Variants in PRKACB observed in about 807,000 individuals in gnomAD.
PRKACB encodes the protein protein kinase cAMP-activated catalytic subunit beta, also known as cAMP-dependent protein kinase catalytic subunit beta.
PRKACB carries 16 observed loss-of-function variants against 51.4 expected under a neutral mutation model. The ratio of observed to expected loss-of-function variants is 0.31; its 90% CI spans 0.21 to 0.47. The LOEUF is 0.47. Among genes scored for constraint, PRKACB ranks in the 20% least tolerant of loss-of-function variants. The pLI, the probability that PRKACB is intolerant of heterozygous loss-of-function variation, is 1.00. For missense variants in PRKACB, 309 were observed against 464.5 expected, an observed-to-expected ratio of 0.67 and a Z score of 3.08; for synonymous variants, 147 against 154.4, an observed-to-expected ratio of 0.95 and a Z score of 0.35.
At chr1:84,232,899 T>A (rs538954676) in intron 9 of PRKACB, among the ~76,000 whole-genome samples, 24 of 152,294 alleles carry the variant, frequency 1.6e-4, no homozygotes, top group Admixed American at 8.5e-4. Context: ...AATTGGAGAA[T>A]TTAGTCCATT....
chr1:84,135,868 G>A (rs1324657617), intron 1 of PRKACB, among the ~76,000 whole-genome samples: 3 of 150,958 alleles, frequency 2.0e-5, no homozygotes, highest in Non-Finnish European at 4.4e-5. Flanking sequence ...AGAAAGAAGA[G>A]CAATTTAAGC....
chr1:84,139,632 A>T (rs561222198), upstream of PRKACB, among the ~76,000 whole-genome samples: 10 of 152,336 alleles, frequency 6.6e-5, no homozygotes, highest in South Asian at 1.7e-3. Context: ...CAATATGGTT[A>T]AGATGTCATT....
intron 9 of PRKACB, among the ~76,000 whole-genome samples, chr1:84,226,636 A>T (rs1209039122): frequency 6.6e-6 from 1 of 152,088 alleles, no homozygotes; most frequent in East Asian, 1.9e-4. Context: ...TTGGATTTTT[A>T]TTGACAATCA....
At chr1:84,148,411 T>C (rs1449320469) in intron 1 of PRKACB, among the ~76,000 whole-genome samples, 2 of 151,742 alleles carry the variant, frequency 1.3e-5, no homozygotes, top group East Asian at 1.9e-4. Context: ...GTTTATAATA[T>C]TTAAAATGCA....
chr1:84,184,263 G>A (rs1664448938), intron 4 of PRKACB, 128 bp downstream of exon 4: 7 of 732,152 alleles, frequency 9.6e-6, no homozygotes, highest in Non-Finnish European at 1.4e-5. Context: ...TACCTCTAGA[G>A]TTTGTGTAAT....
intron 1 of PRKACB, among the ~76,000 whole-genome samples, chr1:84,086,838 T>C (rs1175515484): frequency 6.6e-6 from 1 of 152,146 alleles, no homozygotes; most frequent in Non-Finnish European, 1.5e-5. Flanking sequence ...AGTGGTGGGC[T>C]GGGGAGCCCT....
chr1:84,094,020 T>C lies in PRKACB; in HGVS notation c.46+15649T>C, dbSNP rs190139170. Among the ~76,000 whole-genome samples the C allele has an allele frequency of 1.3e-4, 20 of 152,126 alleles. No individual in the cohort carries two copies. In the East Asian group the frequency reaches 3.7e-3, roughly 28 times the overall value. ...TTTATAGATACATTTAGATTTTACA[T>C]ATACACAAATCACTTTTTTGCTTAA... On this transcript the variant is annotated intron_variant, in intron 1 of 8. Transcript: ENST00000370688.
chr1:84,184,660 A>G (rs949609267), intron 4 of PRKACB, among the ~76,000 whole-genome samples: 3 of 151,920 alleles, frequency 2.0e-5, no homozygotes, highest in African/African-American at 7.2e-5. Context: ...ATCATATGAA[A>G]CATTTTAATC....
chr1:84,110,014 C>G (rs1230605344), intron 1 of PRKACB, among the ~76,000 whole-genome samples: 1 of 151,782 alleles, frequency 6.6e-6, no homozygotes, highest in Non-Finnish European at 1.5e-5. Flanking sequence ...ATACTTTCAG[C>G]TTTTTCATTC....
rs1232848407 is a variant in PRKACB, at chr1:84,235,900, T to C, written c.*595T>C. ...ATTCTGGCAATAAATTTTGGTAGAC[T>C]AATACAGTACAGCTAGACCCAGAAA... On this transcript the variant is annotated 3_prime_UTR_variant, in exon 10 of 10. Coordinates refer to ENST00000370685, the MANE Select transcript of PRKACB (RefSeq NM_182948.4). 6.5e-6 allele frequency: 1 copy of C among 153,018 alleles called. No homozygotes were observed. Among genetic ancestry groups the C allele is most frequent in the African/African-American group, 2.4e-5 (1 of 41,468 alleles). The allele number at this position is 153,018 out of a possible 1,614,324, so 9.5% of individuals were successfully genotyped here. A position where few individuals can be genotyped will look rare whatever the true frequency, so the allele number is the denominator to read the frequency against.
chr1:84,116,678 A>T (rs1005253402), intron 1 of PRKACB, among the ~76,000 whole-genome samples: 1 of 152,136 alleles, frequency 6.6e-6, no homozygotes, highest in African/African-American at 2.4e-5. Context: ...TGTCTCCTGC[A>T]ACTCTACTGA....
intron 1 of PRKACB, among the ~76,000 whole-genome samples, chr1:84,148,651 A>G (rs1654440839): frequency 6.6e-6 from 1 of 152,204 alleles, no homozygotes; most frequent in Admixed American, 6.5e-5. Context: ...ATTAACCAAA[A>G]GCAGTCAAAT....
chr1:84,223,839 G>T (rs1053763787), intron 9 of PRKACB, among the ~76,000 whole-genome samples: 1 of 151,976 alleles, frequency 6.6e-6, no homozygotes. Flanking sequence ...TTGTTTAATT[G>T]GAATCTGTTG....
chr1:84,213,396 A>C (rs1418991077), intron 8 of PRKACB, among the ~76,000 whole-genome samples: 1 of 152,186 alleles, frequency 6.6e-6, no homozygotes, highest in Non-Finnish European at 1.5e-5. Context: ...GAATGTGTTT[A>C]AACAAAACAA....
At chr1:84,173,275 G>A in intron 1 of PRKACB, 1 of 1,423,928 alleles carries the variant, frequency 7.0e-7, no homozygotes, top group Non-Finnish European at 9.7e-7. Context: ...GTAACTTCTT[G>A]TAGGTATGTT....
chr1:84,088,559 C>G (rs965091531), intron 1 of PRKACB, among the ~76,000 whole-genome samples: 1 of 152,186 alleles, frequency 6.6e-6, no homozygotes, highest in Non-Finnish European at 1.5e-5. Flanking sequence ...CAGGGGCTAG[C>G]TCTACTGGTA....
chr1:84,227,572 A>G (rs1157037607), intron 9 of PRKACB, among the ~76,000 whole-genome samples: 1 of 152,168 alleles, frequency 6.6e-6, no homozygotes, highest in Non-Finnish European at 1.5e-5. Flanking sequence ...ATTATTCCTA[A>G]AAGGGGATAG....
intron 1 of PRKACB, chr1:84,175,068 CT>C: frequency 1.4e-6 from 2 of 1,448,652 alleles, no homozygotes; most frequent in Non-Finnish European, 1.8e-6. Flanking sequence ...TAGGCAATTA[CT>C]TTTTAATAAA....
chr1:84,231,530 G>A (rs564283837), intron 9 of PRKACB, among the ~76,000 whole-genome samples: 3 of 152,264 alleles, frequency 2.0e-5, no homozygotes, highest in South Asian at 2.1e-4. Flanking sequence ...GGTAGAATTC[G>A]GCTGTGAATC....
Sources: gnomAD v4.1 joint callset for allele counts (sites outside exome capture counted in the v4.1 genomes callset) on GRCh38, gnomAD v4.1.1 for gene constraint, MANE v1.5 for transcripts, NCBI Gene and HGNC (gene_info 2026-07-23, HGNC 2026-07-21) for gene names.